Variants in SH2B1 observed in about 807,000 individuals in gnomAD.
SH2B1 encodes the protein SH2B adapter protein 1.
SH2B1 carries 15 observed loss-of-function variants against 62.6 expected under a neutral mutation model. The observed-to-expected ratio is 0.24, with a 90% CI of 0.16 to 0.37. SH2B1 has a LOEUF of 0.37. SH2B1 is among the 10% of genes least tolerant of loss of function. SH2B1 has a pLI of 1.00. For missense variants in SH2B1, 925 were observed against 1,015.6 expected (o/e 0.91, Z 1.21); for synonymous variants, 443 against 438.0 (o/e 1.01, Z -0.14).
chr16:28,852,922 A>ATTTT lies in SH2B1; in HGVS notation c.-301+6096_-301+6097insTTTT, dbSNP rs1567459399. Among the ~76,000 whole-genome samples the ATTTT allele has an allele frequency of 1.2e-4, 6 of 52,088 alleles. 1 individual carries two copies. Among genetic ancestry groups the ATTTT allele is most frequent in the South Asian group, 4.7e-4 (1 of 2,148 alleles). The allele number at this position is 52,088 out of a possible 152,430, so 34.2% of individuals were successfully genotyped here. On this transcript the variant is annotated intron_variant, in intron 1 of 10. Coordinates refer to the SH2B1 transcript ENST00000322610. ...TTTTTATATATACATGTACATATAT[A>ATTTT]TATTTTTATATATATGTACATATAT... is the stretch of plus-strand genomic sequence containing the variant.
intron 1 of SH2B1, among the ~76,000 whole-genome samples, chr16:28,848,281 A>G (rs1431898205): frequency 6.6e-6 from 1 of 152,078 alleles, no homozygotes; most frequent in African/African-American, 2.4e-5. Context: ...CTACTAAAAT[A>G]CAAAAAATTA....
At chr16:28,871,454 C>T (rs1963030257) in intron 4 of SH2B1, among the ~76,000 whole-genome samples, 1 of 152,170 alleles carries the variant, frequency 6.6e-6, no homozygotes, top group African/African-American at 2.4e-5. Flanking sequence ...TAGCGAGACC[C>T]CTTCTCTACA....
upstream of SH2B1, chr16:28,863,823 G>C: frequency 6.5e-7 from 1 of 1,534,686 alleles, no homozygotes. Context: ...GACGGGAAAG[G>C]GGGTCCTGAC....
At chr16:28,863,814 A>T (rs1596618972), upstream of SH2B1, 1 of 1,534,926 alleles carries the variant, frequency 6.5e-7, no homozygotes, top group African/African-American at 1.4e-5. Context: ...TCCTTCAGCG[A>T]CGGGAAAGGG....
Position 28,869,022 on chromosome 16 carries a change from A to C in SH2B1, c.1058A>C (p.Glu353Ala). Reference protein sequence around the residue: ...TFVVKVEGPSEYIMETVDAQH... With the variant: ...TFVVKVEGPSAYIMETVDAQH... ...TCTCTGTAGGTGGAAGGTCCATCCG[A>C]GTATATCATGGAGACAGTGGATGCC... is the stretch of plus-strand genomic sequence containing the variant. The change falls in exon 3 of 8, where the codon GAG becomes GCG. Residue 353 changes from glutamate to alanine, a missense_variant. Around this residue, in one of 3 missense-constraint regions of SH2B1, gnomAD observed 683 missense variants for 704.0 expected, o/e 0.97. Coordinates refer to ENST00000684370, the MANE Select transcript of SH2B1 (RefSeq NM_001387430.1). The C allele has an allele frequency of 6.2e-7, 1 of 1,614,050 alleles. No homozygotes were observed. Among genetic ancestry groups the C allele is most frequent in the South Asian group, 1.1e-5 (1 of 91,082 alleles).
chr16:28,851,840 A>G (rs1962105905), intron 1 of SH2B1, among the ~76,000 whole-genome samples: 1 of 146,892 alleles, frequency 6.8e-6, no homozygotes, highest in Non-Finnish European at 1.5e-5. Context: ...AGGCCGAGGC[A>G]GGTGGATCAC....
At chr16:28,863,425 G>T, upstream of SH2B1, 1 of 438,178 alleles carries the variant, frequency 2.3e-6, no homozygotes, top group Non-Finnish European at 4.1e-6. Flanking sequence ...TGGTGGCGTT[G>T]TCCGCGTGCC....
upstream of SH2B1, among the ~76,000 whole-genome samples, chr16:28,860,963 C>T (rs1198109648): frequency 3.3e-5 from 5 of 150,852 alleles, no homozygotes; most frequent in East Asian, 2.0e-4. Context: ...ATTACAGGCA[C>T]GCGCCACCAC....
intron 4 of SH2B1, among the ~76,000 whole-genome samples, chr16:28,870,161 C>T (rs913850481): frequency 6.6e-6 from 1 of 152,226 alleles, no homozygotes; most frequent in Non-Finnish European, 1.5e-5. Context: ...TAGGCAGTGG[C>T]CTGCTGTTGG....
chr16:28,864,195 C>G lies in SH2B1; in HGVS notation c.-1900C>G. The G allele has an allele frequency of 9.5e-7, 1 of 1,048,824 alleles. No individual in the cohort carries two copies. Among genetic ancestry groups the G allele is most frequent in the Non-Finnish European group, 1.2e-6 (1 of 868,876 alleles). The allele number at this position is 1,048,824 out of a possible 1,614,324, so 65.0% of individuals were successfully genotyped here. On this transcript the variant is annotated 5_prime_UTR_variant, in exon 1 of 8. Coordinates refer to ENST00000684370, the MANE Select transcript of SH2B1 (RefSeq NM_001387430.1). ...TATGGACCACCGGGCCCGGAGGGTC[C>G]GAGCCGAGAGCGGAGCCTGCACCCT...
At chr16:28,868,233 G>A (rs1448754941) in intron 2 of SH2B1, among the ~76,000 whole-genome samples, 4 of 152,038 alleles carry the variant, frequency 2.6e-5, no homozygotes, top group East Asian at 1.9e-4. Flanking sequence ...TCCACCTCCC[G>A]GGTTCATGCC....
chr16:28,872,018 T>C lies in SH2B1; in HGVS notation c.1513+35T>C, dbSNP rs1963072206. On this transcript the variant is annotated intron_variant, in intron 5 of 7. Coordinates refer to ENST00000684370, the MANE Select transcript of SH2B1 (RefSeq NM_001387430.1). The surrounding 1 kb of genome is among the most constrained non-coding windows in gnomAD (Gnocchi z 5.3). ...GTGTGAGTGTGCATGTCTCCAGGCCTGGGTGCCTACCTTCCTGACCACCTC... is the reference window on the plus strand; with the variant it reads ...GTGTGAGTGTGCATGTCTCCAGGCCCGGGTGCCTACCTTCCTGACCACCTC... 7.1e-7 allele frequency: 1 copy of C among 1,412,882 alleles called. No homozygotes were observed. The highest frequency in any genetic ancestry group is 1.4e-5 in the African/African-American group (1 of 70,790). The allele number at this position is 1,412,882 out of a possible 1,614,324, so 87.5% of individuals were successfully genotyped here. A position where few individuals can be genotyped will look rare whatever the true frequency, so the allele number is the denominator to read the frequency against.
intron 2 of SH2B1, among the ~76,000 whole-genome samples, chr16:28,868,455 T>C (rs947559507): frequency 1.3e-5 from 2 of 151,996 alleles, no homozygotes; most frequent in African/African-American, 4.8e-5. Flanking sequence ...TATTTTATTT[T>C]ATTTTTATTT....
Position 28,867,465 on chromosome 16 carries a change from C to G in SH2B1, c.1041+33C>G, listed in dbSNP as rs552659326. On this transcript the variant is annotated intron_variant, in intron 2 of 7. Transcript: ENST00000684370. ...TTCAACTTCCCAGCCGCCGGCAGTG[C>G]TTGTGTTAAGGAGAAAGCCCTCAGC... 30 of 1,533,050 alleles carry G rather than the reference C, an allele frequency of 2.0e-5. No homozygotes were observed. The African/African-American group carries it at 3.1e-4, about 16-fold the overall frequency. 95.0% of individuals were successfully genotyped at this position (1,533,050 alleles called of 1,614,324 possible).
chr16:28,854,944 C>T (rs368733110), intron 1 of SH2B1, among the ~76,000 whole-genome samples: 19 of 152,120 alleles, frequency 1.2e-4, no homozygotes, highest in African/African-American at 4.6e-4. Flanking sequence ...GGCACAATCT[C>T]GGCTCACTGC....
upstream of SH2B1, chr16:28,863,619 T>G (rs1030320296): frequency 2.0e-6 from 3 of 1,469,474 alleles, no homozygotes; most frequent in African/African-American, 4.2e-5. Context: ...GGGAGGACGC[T>G]CTGGTGGGAT....
At chr16:28,863,595 C>T (rs1474824185), upstream of SH2B1, 1 of 1,336,806 alleles carries the variant, frequency 7.5e-7, no homozygotes, top group Non-Finnish European at 1.0e-6. Context: ...GCCCCTTTGT[C>T]CCGAATTTCC....
chr16:28,872,820 G>T lies in SH2B1; in HGVS notation c.1897+115G>T. ...CTATCACAAGGAGAAGCTTTGCTTGGGAGAGCAGGGTAGAGGAGGCTGTTG... is the reference window on the plus strand; with the variant it reads ...CTATCACAAGGAGAAGCTTTGCTTGTGAGAGCAGGGTAGAGGAGGCTGTTG... On this transcript the variant is annotated intron_variant, in intron 7 of 7. Coordinates refer to ENST00000684370, the MANE Select transcript of SH2B1 (RefSeq NM_001387430.1). This position sits in a 1 kb window ranked among gnomAD's most constrained non-coding sequence, Gnocchi z 5.3. The T allele has an allele frequency of 7.3e-7, 1 of 1,372,840 alleles. No individual in the cohort carries two copies. 85.0% of individuals were successfully genotyped at this position (1,372,840 alleles called of 1,614,324 possible). A position where few individuals can be genotyped will look rare whatever the true frequency, so the allele number is the denominator to read the frequency against.
chr16:28,873,328 G>A lies in SH2B1; in HGVS notation c.1898-119G>A. 6.3e-7 allele frequency: 1 copy of A among 1,591,276 alleles called. No individual in the cohort carries two copies. ...ATCCATCTTCCATGGATGGGGGGTT[G>A]CTCAGGAGATGGGATGTGGGGAGAC... On this transcript the variant is annotated intron_variant, in intron 7 of 7. Coordinates refer to ENST00000684370, the MANE Select transcript of SH2B1 (RefSeq NM_001387430.1). The surrounding 1 kb of genome is among the most constrained non-coding windows in gnomAD (Gnocchi z 4.2).
Sources: gnomAD v4.1 joint callset for allele counts (sites outside exome capture counted in the v4.1 genomes callset) on GRCh38, gnomAD v4.1.1 for gene constraint, gnomAD v4.1.1 regional missense constraint, Gnocchi (gnomAD v3.1) non-coding constraint, MANE v1.5 for transcripts, NCBI Gene and HGNC (gene_info 2026-07-23, HGNC 2026-07-21) for gene names.